CACNA1A: variants seen among roughly 807,000 people sequenced by gnomAD.
CACNA1A encodes the protein calcium voltage-gated channel subunit alpha1 A.
A neutral mutation model predicts 262.4 loss-of-function variants in CACNA1A; 57 were observed. The observed-to-expected ratio is 0.22, with a 90% CI of 0.18 to 0.27. The LOEUF (loss-of-function observed/expected upper bound fraction) is 0.27, where lower values mean the gene tolerates loss of function less well. Among genes scored for constraint, CACNA1A ranks in the 10% least tolerant of loss-of-function variants. The pLI is 1.00. For synonymous variants in CACNA1A, 1,431 were observed against 1,419.3 expected, an observed-to-expected ratio of 1.01 and a Z score of -0.18; for missense variants, 2,526 against 3,562.8, an observed-to-expected ratio of 0.71 and a Z score of 7.41.
chr19:13,431,522 T>A (rs2144830840), intron 3 of CACNA1A, among the ~76,000 whole-genome samples: 2 of 151,920 alleles, frequency 1.3e-5, no homozygotes, highest in South Asian at 4.2e-4. Context: ...GTGACGGTGG[T>A]CTTTTGGAGG....
chr19:13,327,446 AG>A (rs1380430493), intron 10 of CACNA1A, among the ~76,000 whole-genome samples: 1 of 150,512 alleles, frequency 6.6e-6, no homozygotes, highest in Non-Finnish European at 1.5e-5. Flanking sequence ...TTGTTAACAG[AG>A]GCGGAGGCTG....
intron 3 of CACNA1A, among the ~76,000 whole-genome samples, chr19:13,399,785 A>G (rs1359574458): frequency 6.6e-6 from 1 of 152,190 alleles, no homozygotes; most frequent in African/African-American, 2.4e-5. Flanking sequence ...CATGTTTCAT[A>G]AGATAAGGGA....
At position 13,286,702 on chromosome 19, in the gene CACNA1A, G is replaced by A. The variant is rs200919610; in HGVS notation, c.3354C>T (p.Asn1118=). Residue 1118 remains asparagine, a synonymous_variant, in exon 20 of 47, where the codon AAC becomes AAT. Coordinates refer to ENST00000360228, the MANE Select transcript of CACNA1A (RefSeq NM_001127222.2). ...AIPAMATNPQ[N]AASRRTPNNP... ...TGTTGGGCGTCCGGCGGCTGGCGGC[G>A]TTCTGGGGGTTGGTGGCCATGGCAG... The A allele has an allele frequency of 9.5e-6, 15 of 1,586,858 alleles. No individual in the cohort carries two copies. Among genetic ancestry groups the A allele is most frequent in the South Asian group, 3.4e-5 (3 of 88,070 alleles).
At chr19:13,286,461 G>A (rs1373227140) in intron 20 of CACNA1A, 42 bp downstream of exon 20, 6 of 1,012,288 alleles carry the variant, frequency 5.9e-6, no homozygotes, top group East Asian at 2.6e-5. Context: ...CTCCAGGGAC[G>A]CCAGGTCCCC....
At chr19:13,338,740 G>A (rs1421726295) in intron 6 of CACNA1A, among the ~76,000 whole-genome samples, 1 of 152,208 alleles carries the variant, frequency 6.6e-6, no homozygotes, top group African/African-American at 2.4e-5. Flanking sequence ...GGCTTCTGGG[G>A]CTGAGAAGTT....
chr19:13,415,774 GTA>G, intron 3 of CACNA1A, among the ~76,000 whole-genome samples: 1 of 72,572 alleles, frequency 1.4e-5, no homozygotes, highest in South Asian at 4.2e-4. Flanking sequence ...AAAAAAAAAA[GTA>G]GATGGGGCCT....
At chr19:13,278,744 C>G (rs547051087) in intron 22 of CACNA1A, among the ~76,000 whole-genome samples, 1 of 152,298 alleles carries the variant, frequency 6.6e-6, no homozygotes, top group East Asian at 1.9e-4. Flanking sequence ...TGAATGAATG[C>G]ATCAACAGTT....
At chr19:13,312,022 G>A (rs927148131) in intron 12 of CACNA1A, among the ~76,000 whole-genome samples, 4 of 152,096 alleles carry the variant, frequency 2.6e-5, no homozygotes, top group African/African-American at 7.2e-5. Context: ...TAGGTATCTG[G>A]GTGAGATTTT....
rs550499161 is a variant in CACNA1A, at chr19:13,308,304, C to T, written c.1782-53G>A. The T allele has an allele frequency of 7.6e-5, 120 of 1,584,940 alleles. No individual in the cohort carries two copies. The highest frequency in any genetic ancestry group is 7.2e-4 in the South Asian group (63 of 87,560). On this transcript the variant is annotated intron_variant, in intron 13 of 46. Transcript: ENST00000360228. This position sits in a 1 kb window ranked among gnomAD's most constrained non-coding sequence, Gnocchi z 4.2. Reference sequence around the variant, plus strand: ...AGGCCAGGCGGGGGAGGCAGGGCCCCGGAGTCAGCCCTCGAAACACGAGGC... The same window carrying T: ...AGGCCAGGCGGGGGAGGCAGGGCCCTGGAGTCAGCCCTCGAAACACGAGGC...
At chr19:13,218,216 C>T (rs1023580525) in intron 38 of CACNA1A, among the ~76,000 whole-genome samples, 1 of 151,776 alleles carries the variant, frequency 6.6e-6, no homozygotes, top group African/African-American at 2.4e-5. Context: ...TCAGCTTCCC[C>T]AGTAGCTGGG....
At position 13,253,445 on chromosome 19, in the gene CACNA1A, C is replaced by CTTTT. The variant is rs57960659; in HGVS notation, c.4756-348_4756-345dup. ...CGCCATTGTGCTTGGCTGAATTATACTTTTTTTTTTTTTTTTTTTTTGAGG... is the reference window on the plus strand; with the variant it reads ...CGCCATTGTGCTTGGCTGAATTATACTTTTTTTTTTTTTTTTTTTTTTTTTGAGG... On this transcript the variant is annotated intron_variant, in intron 29 of 46. Transcript: ENST00000360228. Among the ~76,000 whole-genome samples the CTTTT allele has an allele frequency of 4.6e-3, 438 of 94,220 alleles. 22 individuals are homozygous for CTTTT. The highest frequency in any genetic ancestry group is 8.4e-3 in the African/African-American group (193 of 22,898). 61.8% of individuals were successfully genotyped at this position (94,220 alleles called of 152,430 possible).
intron 3 of CACNA1A, among the ~76,000 whole-genome samples, chr19:13,406,085 G>A (rs980378346): frequency 4.6e-5 from 7 of 152,072 alleles, no homozygotes; most frequent in Admixed American, 2.6e-4. Flanking sequence ...GGAGGCTGAG[G>A]AGGGAGGATC....
chr19:13,227,421 G>C lies in CACNA1A; in HGVS notation c.5625+10C>G. The C allele has an allele frequency of 6.5e-7, 1 of 1,538,554 alleles. No homozygotes were observed. Among genetic ancestry groups the C allele is most frequent in the Non-Finnish European group, 8.9e-7 (1 of 1,125,632 alleles). On this transcript the variant is annotated intron_variant, in intron 37 of 46. Coordinates refer to ENST00000360228, the MANE Select transcript of CACNA1A (RefSeq NM_001127222.2). ...TGCCTGGACGTCGGTGGTCGGCAAG[G>C]GTAGTCTACCTTGTAAGCCACTCTG...
At chr19:13,316,838 C>G (rs1350709215) in intron 11 of CACNA1A, 2 of 336,698 alleles carry the variant, frequency 5.9e-6, no homozygotes. Context: ...TCCCCTTCAC[C>G]AGCACCCCTC....
intron 6 of CACNA1A, among the ~76,000 whole-genome samples, chr19:13,347,951 G>C (rs2058823122): frequency 6.6e-6 from 1 of 151,876 alleles, no homozygotes; most frequent in Admixed American, 6.6e-5. Context: ...GACAGGGTCT[G>C]GTTCTGTCAC....
At chr19:13,229,931 T>G in intron 36 of CACNA1A, 151 bp downstream of exon 36, 1 of 850,002 alleles carries the variant, frequency 1.2e-6, no homozygotes, top group Non-Finnish European at 1.8e-6. Context: ...AGGGTGATGA[T>G]TCTTATATCT....
chr19:13,230,675 T>C (rs1462596311), intron 35 of CACNA1A, among the ~76,000 whole-genome samples: 3 of 151,924 alleles, frequency 2.0e-5, no homozygotes, highest in South Asian at 4.1e-4. Context: ...TGTGGTGGCA[T>C]GTGCACCTGT....
At position 13,207,279 on chromosome 19, in the gene CACNA1A, G is replaced by GT; in HGVS notation, c.*33dup. 6.6e-7 allele frequency: 1 copy of GT among 1,522,364 alleles called. No individual in the cohort carries two copies. The highest frequency in any genetic ancestry group is 8.8e-7 in the Non-Finnish European group (1 of 1,140,242). The allele number at this position is 1,522,364 out of a possible 1,614,324, so 94.3% of individuals were successfully genotyped here. On this transcript the variant is annotated 3_prime_UTR_variant, in exon 47 of 47. Transcript: ENST00000360228. This position sits in a 1 kb window ranked among gnomAD's most constrained non-coding sequence, Gnocchi z 5.7. The stretch of plus-strand genomic sequence containing the variant: ...CGGGTGGGGTGTGTGCGTGGGGTGC[G>GT]TGGGGGGCCGGGCGGGCGCCACCTC...
chr19:13,482,351 T>C (rs745798083), intron 1 of CACNA1A, among the ~76,000 whole-genome samples: 8 of 151,602 alleles, frequency 5.3e-5, no homozygotes, highest in Non-Finnish European at 7.4e-5. Flanking sequence ...GGCGTGGTGG[T>C]GGGTGCCTGT....
Sources: gnomAD v4.1 joint callset for allele counts (sites outside exome capture counted in the v4.1 genomes callset) on GRCh38, gnomAD v4.1.1 for gene constraint, Gnocchi (gnomAD v3.1) non-coding constraint, MANE v1.5 for transcripts, NCBI Gene and HGNC (gene_info 2026-07-23, HGNC 2026-07-21) for gene names.